FGF7: variants seen among roughly 807,000 people sequenced by gnomAD.
FGF7 encodes the protein FGF-7.
FGF7 carries 6 observed loss-of-function variants against 20.5 expected under a neutral mutation model. The observed-to-expected ratio is 0.29, with a 90% CI of 0.16 to 0.58. The LOEUF is 0.58. Ranked by LOEUF, FGF7 falls within the 20% of genes least tolerant of loss-of-function variation. The pLI, the probability that FGF7 is intolerant of heterozygous loss-of-function variation, is 0.90. For synonymous variants in FGF7, 64 were observed against 74.7 expected, an observed-to-expected ratio of 0.86 and a Z score of 0.74; for missense variants, 144 against 228.8, an observed-to-expected ratio of 0.63 and a Z score of 2.39.
In FGF7 at chr15:49,433,685, T is replaced by C. The variant is rs149840062; in HGVS notation, c.286+9102T>C. On this transcript the variant is annotated intron_variant, in intron 2 of 3. Coordinates refer to ENST00000267843, the MANE Select transcript of FGF7 (RefSeq NM_002009.4). ...TGGTTTATTGTAGAGGCCAACTATATAAGCAGACACAGTTACCACTGGTGA... is the reference window on the plus strand; with the variant it reads ...TGGTTTATTGTAGAGGCCAACTATACAAGCAGACACAGTTACCACTGGTGA... Among the ~76,000 whole-genome samples, 808 of 151,748 alleles carry C rather than the reference T, an allele frequency of 5.3e-3. 9 individuals carry two copies. The highest frequency in any genetic ancestry group is 0.019 in the African/African-American group (769 of 41,470).
intron 2 of FGF7, among the ~76,000 whole-genome samples, chr15:49,440,407 T>C (rs559296415): frequency 1.1e-4 from 17 of 149,714 alleles, no homozygotes; most frequent in African/African-American, 4.1e-4. Context: ...TGTTTATATA[T>C]ATAGGAAAAA....
intron 1 of FGF7, among the ~76,000 whole-genome samples, 174 bp from the exon 2 acceptor site, chr15:49,423,858 C>A (rs1324401531): frequency 4.6e-5 from 7 of 152,220 alleles, no homozygotes; most frequent in Admixed American, 4.6e-4. Flanking sequence ...TATAAATCTA[C>A]ACATAAAGTG....
intron 2 of FGF7, among the ~76,000 whole-genome samples, chr15:49,455,293 TA>T (rs1024823598): frequency 2.6e-4 from 39 of 152,328 alleles, no homozygotes; most frequent in African/African-American, 8.9e-4. Context: ...ATAGCGCTTA[TA>T]TTTGTTATGA....
chr15:49,478,033 T>C (rs2055519514), intron 2 of FGF7, among the ~76,000 whole-genome samples: 1 of 152,218 alleles, frequency 6.6e-6, no homozygotes, highest in African/African-American at 2.4e-5. Context: ...ACCCAGGTAC[T>C]GAGCGTAGTA....
At chr15:49,437,132 T>C (rs1309157164) in intron 2 of FGF7, among the ~76,000 whole-genome samples, 2 of 151,580 alleles carry the variant, frequency 1.3e-5, no homozygotes, top group East Asian at 1.9e-4. Context: ...AAAATTGTTA[T>C]AGAATGCATA....
At chr15:49,444,353 C>T (rs895121872) in intron 2 of FGF7, among the ~76,000 whole-genome samples, 13 of 151,402 alleles carry the variant, frequency 8.6e-5, no homozygotes, top group South Asian at 8.3e-4. Flanking sequence ...TGAAAATGCA[C>T]GGAACCAAAG....
chr15:49,435,155 TA>T (rs1467030530), intron 2 of FGF7, among the ~76,000 whole-genome samples: 1 of 151,492 alleles, frequency 6.6e-6, no homozygotes, highest in Non-Finnish European at 1.5e-5. Flanking sequence ...ATGAATGAAA[TA>T]TTTTTTACTT....
intron 2 of FGF7, among the ~76,000 whole-genome samples, chr15:49,426,020 A>C (rs2050100750): frequency 1.3e-5 from 2 of 151,454 alleles, no homozygotes; most frequent in Admixed American, 1.3e-4. Context: ...TATAATAACA[A>C]TATTATATAT....
intron 2 of FGF7, among the ~76,000 whole-genome samples, chr15:49,481,621 T>C (rs2055955063): frequency 6.6e-6 from 1 of 152,200 alleles, no homozygotes; most frequent in Non-Finnish European, 1.5e-5. Context: ...CTGCAAAATA[T>C]ATGGACGTGT....
intron 2 of FGF7, among the ~76,000 whole-genome samples, chr15:49,457,781 TACATTATATTAGAGA>T (rs1349925488): frequency 6.6e-6 from 1 of 151,968 alleles, no homozygotes; most frequent in Admixed American, 6.6e-5. Context: ...AATTGATTAA[TACATTATATTAGAGA>T]ATAGGAATTT....
intron 2 of FGF7, among the ~76,000 whole-genome samples, chr15:49,427,021 G>A (rs1179315141): frequency 6.6e-6 from 1 of 151,704 alleles, no homozygotes; most frequent in East Asian, 1.9e-4. Context: ...TTTTTCTATA[G>A]GAAGTCCTTA....
chr15:49,476,162 C>T (rs1355429047), intron 2 of FGF7, among the ~76,000 whole-genome samples: 1 of 150,246 alleles, frequency 6.7e-6, no homozygotes, highest in Non-Finnish European at 1.5e-5. Flanking sequence ...CTCAAATCCT[C>T]CGTTGACCAC....
intron 2 of FGF7, among the ~76,000 whole-genome samples, chr15:49,428,391 G>C (rs2050306920): frequency 6.6e-6 from 1 of 152,004 alleles, no homozygotes; most frequent in Non-Finnish European, 1.5e-5. Flanking sequence ...CTCTGCAGAA[G>C]AAGAAGAGCA....
intron 2 of FGF7, among the ~76,000 whole-genome samples, chr15:49,440,758 G>C (rs2051559388): frequency 6.6e-6 from 1 of 151,692 alleles, no homozygotes; most frequent in South Asian, 2.1e-4. Context: ...GTAAACAACA[G>C]AGTCAGGACC....
At chr15:49,483,357 T>A in intron 3 of FGF7, 103 bp downstream of exon 3, 4 of 626,736 alleles carry the variant, frequency 6.4e-6, no homozygotes, top group Non-Finnish European at 1.1e-5. Context: ...TCTCCAACTG[T>A]ATAATTTAAT....
intron 2 of FGF7, among the ~76,000 whole-genome samples, chr15:49,433,413 A>T (rs1168491561): frequency 6.6e-6 from 1 of 151,652 alleles, no homozygotes; most frequent in Non-Finnish European, 1.5e-5. Context: ...AAGAGGGGAG[A>T]AAGATTAGTG....
At chr15:49,450,935 C>T (rs1245490355) in intron 2 of FGF7, among the ~76,000 whole-genome samples, 1 of 152,078 alleles carries the variant, frequency 6.6e-6, no homozygotes, top group Non-Finnish European at 1.5e-5. Flanking sequence ...ATAGCTACAG[C>T]TAATCAACTC....
chr15:49,450,440 T>C (rs1452535176), intron 2 of FGF7, among the ~76,000 whole-genome samples: 1 of 152,086 alleles, frequency 6.6e-6, no homozygotes, highest in African/African-American at 2.4e-5. Flanking sequence ...TGAATGCCAT[T>C]TTTTAAGCCC....
In FGF7 at chr15:49,479,899, C is replaced by T. The variant is rs181489482; in HGVS notation, c.287-3252C>T. 2.4e-4 allele frequency among the ~76,000 whole-genome samples: 36 copies of T among 152,278 alleles called. No individual in the cohort carries two copies. In the East Asian group the frequency reaches 4.1e-3, roughly 17 times the overall value. On this transcript the variant is annotated intron_variant, in intron 2 of 3. Transcript: ENST00000267843. ...AAAGTGCTGGGATTACAGGCGTGAG[C>T]CACTGCGCTCCGCCCATAGTTAACA...
Sources: allele counts gnomAD v4.1 joint callset (sites outside exome capture counted in the v4.1 genomes callset), GRCh38; gene constraint gnomAD v4.1.1; transcripts MANE v1.5; gene names NCBI Gene and HGNC (gene_info 2026-07-23, HGNC 2026-07-21).